The following NOVA1 variants were observed in gnomAD, a reference collection of about 807,000 sequenced individuals.
NOVA1 encodes the protein NOVA alternative splicing regulator 1.
In NOVA1, 7 loss-of-function variants were observed where a neutral mutation model predicts 38.0. The ratio of observed to expected loss-of-function variants is 0.18; its 90% CI spans 0.10 to 0.35. The LOEUF (loss-of-function observed/expected upper bound fraction) is 0.35, where lower values mean the gene tolerates loss of function less well. Among genes scored for constraint, NOVA1 ranks in the 10% least tolerant of loss-of-function variants. The probability of loss-of-function intolerance (pLI) is 1.00; values close to 1 mark genes in which losing one functional copy is unlikely to be tolerated. For missense variants in NOVA1, 460 were observed against 616.0 expected, an observed-to-expected ratio of 0.75 and a Z score of 2.68; for synonymous variants, 270 against 232.5, an observed-to-expected ratio of 1.16 and a Z score of -1.47.
At chr14:26,477,317 G>A (rs191548821) in intron 3 of NOVA1, among the ~76,000 whole-genome samples, 2 of 152,040 alleles carry the variant, frequency 1.3e-5, no homozygotes, top group African/African-American at 4.8e-5. Context: ...AAATACAAGA[G>A]AATTCTTTAA....
chr14:26,585,330 G>A (rs1042205644), intron 2 of NOVA1, among the ~76,000 whole-genome samples: 4 of 151,198 alleles, frequency 2.6e-5, no homozygotes, highest in African/African-American at 9.7e-5. Context: ...AAGCAAATAA[G>A]TTCCACTCTA....
At chr14:26,531,655 T>C (rs1319221437) in intron 2 of NOVA1, among the ~76,000 whole-genome samples, 1 of 152,102 alleles carries the variant, frequency 6.6e-6, no homozygotes, top group Non-Finnish European at 1.5e-5. Flanking sequence ...ATCTGACATT[T>C]GCAAGCATTT....
chr14:26,489,250 C>A (rs1395203546), intron 2 of NOVA1, among the ~76,000 whole-genome samples: 1 of 151,916 alleles, frequency 6.6e-6, no homozygotes, highest in Non-Finnish European at 1.5e-5. Flanking sequence ...TAGAATGATC[C>A]ATTTTTTAAT....
rs929266376 is a variant in NOVA1 at position 26,597,397 on chromosome 14, T to G, written c.40A>C (p.Thr14Pro). Residue 14 changes from threonine to proline, a missense_variant, in exon 1 of 5, where the codon ACT becomes CCT. Coordinates refer to ENST00000539517, the MANE Select transcript of NOVA1 (RefSeq NM_002515.3). ...AAPIQQNGTH[T>P]GVPIDLDPPD... is the part of the protein sequence containing the mutation. ...GGGTCCAGGTCTATGGGAACCCCAG[T>G]GTGGGTCCCGTTCTGCTGGATGGGA... 3 of 1,281,578 alleles carry G rather than the reference T, an allele frequency of 2.3e-6. No individual in the cohort carries two copies. Among genetic ancestry groups the G allele is most frequent in the Non-Finnish European group, 3.0e-6 (3 of 1,006,142 alleles). 79.4% of individuals were successfully genotyped at this position (1,281,578 alleles called of 1,614,324 possible).
chr14:26,471,915 T>C, intron 4 of NOVA1: 1 of 230,062 alleles, frequency 4.3e-6, no homozygotes. Flanking sequence ...AAAATTGCAT[T>C]CACTTTTAAA....
At chr14:26,468,021 C>A (rs78857898) in intron 4 of NOVA1, among the ~76,000 whole-genome samples, 1 of 152,104 alleles carries the variant, frequency 6.6e-6, no homozygotes, top group African/African-American at 2.4e-5. Flanking sequence ...CTTCTCACTA[C>A]AAGAATATGG....
chr14:26,588,547 A>G (rs973742731), intron 2 of NOVA1: 2 of 151,452 alleles, frequency 1.3e-5, no homozygotes, highest in East Asian at 3.9e-4. Flanking sequence ...CAAGATTTGG[A>G]TATCCATACA....
At chr14:26,578,039 A>G (rs1370337617) in intron 2 of NOVA1, among the ~76,000 whole-genome samples, 2 of 152,062 alleles carry the variant, frequency 1.3e-5, no homozygotes, top group African/African-American at 4.8e-5. Flanking sequence ...GCTGCAACCA[A>G]TGAGATAAAG....
At chr14:26,534,120 C>T (rs1309707598) in intron 2 of NOVA1, among the ~76,000 whole-genome samples, 1 of 152,068 alleles carries the variant, frequency 6.6e-6, no homozygotes, top group Non-Finnish European at 1.5e-5. Flanking sequence ...AAGAAAGTCA[C>T]ACACAAACTC....
chr14:26,479,852 C>T (rs1885305458), intron 3 of NOVA1, 125 bp downstream of exon 3: 1 of 960,188 alleles, frequency 1.0e-6, no homozygotes, highest in African/African-American at 1.6e-5. Flanking sequence ...AACTAAATGA[C>T]AACTCTGGTA....
At chr14:26,464,466 G>A (rs995266969) in intron 4 of NOVA1, among the ~76,000 whole-genome samples, 1 of 152,114 alleles carries the variant, frequency 6.6e-6, no homozygotes, top group African/African-American at 2.4e-5. Flanking sequence ...CAACAATATC[G>A]TTTAGGATAC....
At chr14:26,587,307 A>AT (rs1285774692) in intron 2 of NOVA1, among the ~76,000 whole-genome samples, 82 of 108,504 alleles carry the variant, frequency 7.6e-4, no homozygotes, top group African/African-American at 2.0e-3. Context: ...TCTAAAATAT[A>AT]TAAAAAAAAA....
At chr14:26,511,696 A>G (rs529675719) in intron 2 of NOVA1, among the ~76,000 whole-genome samples, 126 of 152,028 alleles carry the variant, frequency 8.3e-4, no homozygotes, top group Middle Eastern at 6.8e-3. Flanking sequence ...AGGTTGCACT[A>G]AGCCGAGATA....
intron 2 of NOVA1, among the ~76,000 whole-genome samples, chr14:26,536,229 G>A (rs1345272790): frequency 6.6e-6 from 1 of 151,786 alleles, no homozygotes; most frequent in African/African-American, 2.4e-5. Flanking sequence ...TGGGCGGTTG[G>A]GGAGAAGGCG....
chr14:26,553,293 A>G (rs775278732), intron 2 of NOVA1, among the ~76,000 whole-genome samples: 9 of 152,200 alleles, frequency 5.9e-5, no homozygotes, highest in East Asian at 1.9e-4. Flanking sequence ...CTCCACCTCC[A>G]TAACTTAAAC....
Position 26,523,836 on chromosome 14 carries a change from C to T in NOVA1, c.281-43693G>A, listed in dbSNP as rs188467182. ...CACAATCTCAGCTCACTGCAAGCTC[C>T]GCCTCCCGGGTTCACGCCATTCTCC... On this transcript the variant is annotated intron_variant, in intron 2 of 4. Transcript: ENST00000539517. 1.5e-3 allele frequency among the ~76,000 whole-genome samples: 220 copies of T among 150,524 alleles called. 1 individual carries two copies. Among genetic ancestry groups the T allele is most frequent in the African/African-American group, 4.8e-3 (197 of 40,706 alleles).
intron 2 of NOVA1, among the ~76,000 whole-genome samples, chr14:26,573,505 G>A (rs1892619800): frequency 1.3e-5 from 2 of 151,918 alleles, no homozygotes; most frequent in African/African-American, 4.8e-5. Context: ...AAGATCTCAT[G>A]AAAAAATTTA....
chr14:26,518,150 T>C (rs576847361), intron 2 of NOVA1, among the ~76,000 whole-genome samples: 76 of 152,216 alleles, frequency 5.0e-4, no homozygotes, highest in African/African-American at 1.7e-3. Context: ...AAGGATATTA[T>C]ATTATCCTTA....
chr14:26,517,223 T>A (rs918185998), intron 2 of NOVA1, among the ~76,000 whole-genome samples: 2 of 152,084 alleles, frequency 1.3e-5, no homozygotes, highest in African/African-American at 4.8e-5. Context: ...CTCTTAATAC[T>A]CTTCCCTTGC....
Sources: gnomAD v4.1 joint callset for allele counts (sites outside exome capture counted in the v4.1 genomes callset) on GRCh38, gnomAD v4.1.1 for gene constraint, MANE v1.5 for transcripts, NCBI Gene and HGNC (gene_info 2026-07-23, HGNC 2026-07-21) for gene names.